The following GRHL1 variants were observed in gnomAD, a reference collection of about 807,000 sequenced individuals.
The protein encoded by GRHL1 is grainyhead-like protein 1 homolog.
Under a neutral mutation model 75.7 loss-of-function variants are expected in GRHL1, and 38 were observed. The observed-to-expected ratio is 0.50, with a 90% CI of 0.39 to 0.66. The LOEUF is 0.66. Among genes scored for constraint, GRHL1 ranks in the 30% least tolerant of loss-of-function variants. The pLI is 0.00. For synonymous variants in GRHL1, 266 were observed against 279.4 expected, an observed-to-expected ratio of 0.95 and a Z score of 0.48; for missense variants, 589 against 767.5, an observed-to-expected ratio of 0.77 and a Z score of 2.75.
In GRHL1 at chr2:9,990,674, C is replaced by T; in HGVS notation, c.1270-22C>T. Reference sequence around the variant, plus strand: ...AGAAGATTGGAAAACAGAATCATATCTTGTCTTCTCTTAACCTACAGGGAG... The same window carrying T: ...AGAAGATTGGAAAACAGAATCATATTTTGTCTTCTCTTAACCTACAGGGAG... On this transcript the variant is annotated intron_variant, in intron 9 of 15. Transcript: ENST00000324907. This position sits in a 1 kb window ranked among gnomAD's most constrained non-coding sequence, Gnocchi z 4.2. 3 of 1,508,058 alleles carry T rather than the reference C, an allele frequency of 2.0e-6. 1 individual carries two copies. The highest frequency in any genetic ancestry group is 2.7e-6 in the Non-Finnish European group (3 of 1,094,634). 93.4% of individuals were successfully genotyped at this position (1,508,058 alleles called of 1,614,324 possible). A position where few individuals can be genotyped will look rare whatever the true frequency, so the allele number is the denominator to read the frequency against.
chr2:9,983,226 T>C (rs1208269093), intron 8 of GRHL1, among the ~76,000 whole-genome samples: 1 of 152,194 alleles, frequency 6.6e-6, no homozygotes, highest in African/African-American at 2.4e-5. Context: ...TTGTCTCTCA[T>C]GTTCCTGGCC....
chr2:9,970,554 G>A (rs1480361361), intron 8 of GRHL1, among the ~76,000 whole-genome samples: 1 of 152,192 alleles, frequency 6.6e-6, no homozygotes, highest in Non-Finnish European at 1.5e-5. Context: ...TTTCTTGATG[G>A]CGTGATCTTA....
At chr2:9,993,621 T>C (rs555734749) in intron 12 of GRHL1, among the ~76,000 whole-genome samples, 94 of 152,346 alleles carry the variant, frequency 6.2e-4, no homozygotes, top group African/African-American at 2.2e-3. Flanking sequence ...ACCAGCTGTT[T>C]TGTAGACTCT....
intron 15 of GRHL1, among the ~76,000 whole-genome samples, chr2:9,999,750 G>A: frequency 6.6e-6 from 1 of 152,196 alleles, no homozygotes; most frequent in East Asian, 1.9e-4. Context: ...GCTAGCATAA[G>A]AATTTTTTGG....
At chr2:9,959,021 C>T (rs763144970) in intron 3 of GRHL1, 165 bp downstream of exon 3, 25 of 1,129,410 alleles carry the variant, frequency 2.2e-5, no homozygotes, top group Non-Finnish European at 2.9e-5. Context: ...GCCTCTGTTG[C>T]TCTGAAATTT....
chr2:9,985,016 T>C (rs1364029777), intron 8 of GRHL1, among the ~76,000 whole-genome samples: 1 of 149,700 alleles, frequency 6.7e-6, no homozygotes, highest in African/African-American at 2.5e-5. Context: ...TGCAGTGAGC[T>C]GAGATCACAC....
intron 15 of GRHL1, 137 bp downstream of exon 15, chr2:9,999,166 G>T (rs2125253708): frequency 2.9e-6 from 1 of 343,296 alleles, no homozygotes; most frequent in Admixed American, 4.8e-5. Flanking sequence ...ACCCTCCTGT[G>T]CCAGTGACAC....
At chr2:9,955,362 C>T (rs561227404) in intron 2 of GRHL1, among the ~76,000 whole-genome samples, 1 of 152,204 alleles carries the variant, frequency 6.6e-6, no homozygotes, top group Non-Finnish European at 1.5e-5. Flanking sequence ...AAAGAAGATG[C>T]TAGATGTGCC....
intron 12 of GRHL1, 146 bp downstream of exon 12, chr2:9,993,390 T>C: frequency 1.5e-6 from 1 of 671,838 alleles, no homozygotes; most frequent in East Asian, 2.7e-5. Flanking sequence ...CACTCCTGAA[T>C]ATCGTGGTAT....
chr2:9,977,034 T>C (rs898985251), intron 8 of GRHL1, among the ~76,000 whole-genome samples: 1 of 152,276 alleles, frequency 6.6e-6, no homozygotes, highest in Non-Finnish European at 1.5e-5. Flanking sequence ...GCAATCTGTC[T>C]CTTTTTCATT....
chr2:9,964,180 C>A, intron 6 of GRHL1, 55 bp from the exon 7 acceptor site: 1 of 1,336,762 alleles, frequency 7.5e-7, no homozygotes, highest in South Asian at 1.3e-5. Context: ...AATACGTTTT[C>A]CAAAACATAC....
At chr2:9,969,949 T>A (rs1165785551) in intron 8 of GRHL1, among the ~76,000 whole-genome samples, 6 of 150,676 alleles carry the variant, frequency 4.0e-5, no homozygotes, top group Non-Finnish European at 8.8e-5. Context: ...TTCACGCCAT[T>A]CTCCTGTCTC....
chr2:9,965,562 T>C, intron 8 of GRHL1, 181 bp downstream of exon 8: 1 of 578,954 alleles, frequency 1.7e-6, no homozygotes, highest in South Asian at 2.2e-5. Context: ...TTTGTTGCCA[T>C]CCTTTGCACA....
In GRHL1 at chr2:9,992,137, G is replaced by A; in HGVS notation, c.1452G>A (p.Arg484=). The stretch of plus-strand genomic sequence containing the variant: ...ACGTGCACTTTGCCAACTTGCAGCG[G>A]GGCACTCATGTAGGTAACCAGGATC... The part of the protein sequence containing the change: ...IPDVHFANLQ[R]GTHVLPIASE... Residue 484 remains arginine (R), a synonymous_variant, in exon 11 of 16, where the codon CGG becomes CGA. Coordinates refer to ENST00000324907, the MANE Select transcript of GRHL1 (RefSeq NM_198182.3). The surrounding 1 kb of genome is among the most constrained non-coding windows in gnomAD (Gnocchi z 4.6). 2.5e-6 allele frequency: 4 copies of A among 1,612,644 alleles called. No individual in the cohort carries two copies. The highest frequency in any genetic ancestry group is 3.4e-6 in the Non-Finnish European group (4 of 1,179,554).
rs1491194608 is a variant in GRHL1 at position 9,998,862 on chromosome 2, ACG to A, written c.1678-102_1678-101del. 5.1e-4 allele frequency: 87 copies of A among 171,138 alleles called. 17 individuals are homozygous for A. The highest frequency in any genetic ancestry group is 3.8e-3 in the Middle Eastern group (2 of 526). 10.6% of individuals were successfully genotyped at this position (171,138 alleles called of 1,614,324 possible). On this transcript the variant is annotated intron_variant, in intron 14 of 15. Transcript: ENST00000324907. ...CGTATATATATGTACACATATATAT[ACG>A]TATATATATGTACACATATATATAC...
Position 9,992,564 on chromosome 2 carries a change from G to A in GRHL1, c.1461+418G>A, listed in dbSNP as rs758663557. On this transcript the variant is annotated intron_variant, in intron 11 of 15. Transcript: ENST00000324907. The surrounding 1 kb of genome is among the most constrained non-coding windows in gnomAD (Gnocchi z 4.6). ...TTCTCACAGTTCCAGTTACTGAGCC[G>A]TCCTTGCCACGTGTAGTTACCAATG... 5.9e-5 allele frequency among the ~76,000 whole-genome samples: 9 copies of A among 152,138 alleles called. No individual in the cohort carries two copies. The highest frequency in any genetic ancestry group is 1.4e-4 in the African/African-American group (6 of 41,436).
rs1166694296 is a variant in GRHL1, at chr2:9,961,227, A to G, written c.460A>G (p.Thr154Ala). The G allele has an allele frequency of 6.2e-7, 1 of 1,613,946 alleles. No homozygotes were observed. Among genetic ancestry groups the G allele is most frequent in the East Asian group, 2.2e-5 (1 of 44,892 alleles). The change falls in exon 4 of 16, where the codon ACC becomes GCC. Residue 154 changes from threonine to alanine, a missense_variant. By Grantham distance (58) the Thr-to-Ala change is moderately conservative. Around this residue, in one of 5 missense-constraint regions of GRHL1, gnomAD observed 362 missense variants for 461.8 expected, o/e 0.78. Coordinates refer to ENST00000324907, the MANE Select transcript of GRHL1 (RefSeq NM_198182.3). ...TVTVSIATMP[T>A]HSIKTETQPH... is the part of the protein sequence containing the mutation. ...CACTGTCTCCATAGCAACGATGCCTACCCACTCCATCAAGACAGAAACCCA... is the reference window on the plus strand; with the variant it reads ...CACTGTCTCCATAGCAACGATGCCTGCCCACTCCATCAAGACAGAAACCCA...
chr2:9,980,953 T>G (rs1668171685), intron 8 of GRHL1, among the ~76,000 whole-genome samples: 1 of 152,240 alleles, frequency 6.6e-6, no homozygotes, highest in African/African-American at 2.4e-5. Context: ...AGGATAGGAA[T>G]GGTCCGAGCC....
chr2:9,996,218 A>C, intron 13 of GRHL1, 98 bp from the exon 14 acceptor site: 1 of 861,544 alleles, frequency 1.2e-6, no homozygotes, highest in Non-Finnish European at 2.0e-6. Flanking sequence ...TTTTTATTTT[A>C]GCTGGTACCG....
Sources: allele counts gnomAD v4.1 joint callset (sites outside exome capture counted in the v4.1 genomes callset), GRCh38; gene constraint gnomAD v4.1.1; regional missense constraint gnomAD v4.1.1; non-coding constraint Gnocchi (gnomAD v3.1); transcripts MANE v1.5; gene names NCBI Gene and HGNC (gene_info 2026-07-23, HGNC 2026-07-21).